The following SHC3 variants were observed in gnomAD, a reference collection of about 807,000 sequenced individuals.
SHC3 encodes the protein SHC adaptor protein 3, also known as SHC-transforming protein 3.
A neutral mutation model predicts 60.4 loss-of-function variants in SHC3; 15 were observed. That is an observed-to-expected ratio of 0.25 (90% confidence interval 0.17 to 0.38). The LOEUF (loss-of-function observed/expected upper bound fraction) is 0.38, where lower values mean the gene tolerates loss of function less well. Ranked by LOEUF, SHC3 falls within the 10% of genes least tolerant of loss-of-function variation. SHC3 has a pLI of 1.00. For synonymous variants in SHC3, 294 were observed against 325.9 expected (o/e 0.90, Z 1.05); for missense variants, 677 against 786.1 (o/e 0.86, Z 1.66).
At chr9:89,053,534 C>T (rs900627344) in intron 6 of SHC3, among the ~76,000 whole-genome samples, 1 of 152,158 alleles carries the variant, frequency 6.6e-6, no homozygotes, top group Non-Finnish European at 1.5e-5. Context: ...CCTTCTCTCC[C>T]AGACTCCAGG....
At chr9:89,076,567 CTT>C (rs879382891) in intron 3 of SHC3, among the ~76,000 whole-genome samples, 1 of 146,416 alleles carries the variant, frequency 6.8e-6, no homozygotes, top group African/African-American at 2.5e-5. Context: ...CTAATCCAGG[CTT>C]TTTTTTTTTC....
At chr9:89,177,009 T>G (rs1357469400) in intron 1 of SHC3, among the ~76,000 whole-genome samples, 4 of 152,176 alleles carry the variant, frequency 2.6e-5, no homozygotes, top group Non-Finnish European at 4.4e-5. Flanking sequence ...GGATAGAGTT[T>G]GTGTCTCATT....
intron 2 of SHC3, among the ~76,000 whole-genome samples, chr9:89,105,154 T>C (rs558804521): frequency 5.3e-4 from 80 of 152,298 alleles, no homozygotes; most frequent in Non-Finnish European, 3.7e-4. Flanking sequence ...CAAATCCATC[T>C]TGATGGTCTT....
At chr9:89,056,286 G>T (rs934914271) in intron 6 of SHC3, among the ~76,000 whole-genome samples, 1 of 151,664 alleles carries the variant, frequency 6.6e-6, no homozygotes, top group South Asian at 2.1e-4. Context: ...CACTCTTGTC[G>T]CCCAGGCTGG....
At chr9:89,075,323 G>A in intron 3 of SHC3, 95 bp from the exon 4 acceptor site, 3 of 1,494,910 alleles carry the variant, frequency 2.0e-6, no homozygotes, top group Non-Finnish European at 2.7e-6. Flanking sequence ...CTCACTAACT[G>A]TTCCTCCCTC....
intron 8 of SHC3, 50 bp downstream of exon 8, chr9:89,046,794 A>G (rs766340146): frequency 8.4e-6 from 12 of 1,421,066 alleles, no homozygotes; most frequent in Non-Finnish European, 1.1e-5. Flanking sequence ...AAGGAAATAA[A>G]GTAGAGTTAG....
chr9:89,140,352 G>C (rs1414845379), intron 1 of SHC3, among the ~76,000 whole-genome samples: 1 of 152,026 alleles, frequency 6.6e-6, no homozygotes, highest in Non-Finnish European at 1.5e-5. Flanking sequence ...CCCAGATTAA[G>C]GGTCCTGCTT....
chr9:89,071,620 C>A (rs1373416913), intron 4 of SHC3, among the ~76,000 whole-genome samples: 1 of 152,190 alleles, frequency 6.6e-6, no homozygotes, highest in Non-Finnish European at 1.5e-5. Context: ...GCACCCTTAA[C>A]ATAAGTGACT....
intron 1 of SHC3, among the ~76,000 whole-genome samples, chr9:89,119,205 C>A (rs1028684331): frequency 1.9e-4 from 29 of 151,820 alleles, no homozygotes; most frequent in Non-Finnish European, 3.5e-4. Context: ...GAATAAGAGA[C>A]CTTCAAACTA....
chr9:89,159,027 G>T (rs1382055464), intron 1 of SHC3, among the ~76,000 whole-genome samples: 1 of 152,156 alleles, frequency 6.6e-6, no homozygotes, highest in Non-Finnish European at 1.5e-5. Flanking sequence ...GTAGAAGTGT[G>T]CAGGGTAGAC....
chr9:89,024,425 A>G (rs1826254138), intron 11 of SHC3, among the ~76,000 whole-genome samples: 1 of 151,810 alleles, frequency 6.6e-6, no homozygotes, highest in Non-Finnish European at 1.5e-5. Context: ...CTACAGGTGC[A>G]CTCCACCACT....
intron 1 of SHC3, among the ~76,000 whole-genome samples, chr9:89,172,962 C>T (rs1024012526): frequency 2.6e-5 from 4 of 152,212 alleles, no homozygotes; most frequent in African/African-American, 9.6e-5. Flanking sequence ...GAGCACACTC[C>T]TGATACTGCA....
chr9:89,111,543 A>G (rs1011562674), intron 2 of SHC3, among the ~76,000 whole-genome samples: 4 of 152,124 alleles, frequency 2.6e-5, no homozygotes, highest in African/African-American at 4.8e-5. Context: ...TGATGTTGGT[A>G]CATTCACAAC....
intron 10 of SHC3, among the ~76,000 whole-genome samples, chr9:89,041,396 G>A (rs1210455667): frequency 6.6e-6 from 1 of 152,196 alleles, no homozygotes; most frequent in African/African-American, 2.4e-5. Context: ...ATACCTCCAC[G>A]AGGTAGAGAC....
intron 2 of SHC3, among the ~76,000 whole-genome samples, chr9:89,087,544 A>C (rs1400065876): frequency 6.6e-6 from 1 of 152,204 alleles, no homozygotes; most frequent in East Asian, 1.9e-4. Flanking sequence ...AGGGGATCCC[A>C]CATGCCTGCT....
At chr9:89,049,702 T>C (rs1042598760) in intron 7 of SHC3, among the ~76,000 whole-genome samples, 5 of 152,254 alleles carry the variant, frequency 3.3e-5, no homozygotes, top group African/African-American at 1.2e-4. Context: ...TCCTGAACTA[T>C]ACAAGTGGAG....
In SHC3 at chr9:89,046,959, T is replaced by A. The variant is rs1824785223; in HGVS notation, c.998A>T (p.Glu333Val). The A allele has an allele frequency of 6.2e-7, 1 of 1,609,218 alleles. No individual in the cohort carries two copies. Among genetic ancestry groups the A allele is most frequent in the African/African-American group, 1.3e-5 (1 of 74,984 alleles). ...GTATGGGTGGTCTGAGCCATCTCCC[T>A]CCTCTTCCGTCCATGGCTCATCCAG... ...QSLDEPWTEE[E>V]GDGSDHPYYN... Residue 333 changes from glutamate (E) to valine (V), a missense_variant, in exon 8 of 12, where the codon GAG becomes GTG. By Grantham distance (121) the Glu-to-Val change is moderately radical. Transcript: ENST00000375835.
Position 89,092,615 on chromosome 9 carries a change from C to CAAA in SHC3, c.546-14715_546-14713dup, listed in dbSNP as rs59133401. ...TGGGCAACAGGGCAAGACTCTGTCT[C>CAAA]AAAAAAAAAAAAAAAAAAAAAAAAT... On this transcript the variant is annotated intron_variant, in intron 2 of 11. Transcript: ENST00000375835. Among the ~76,000 whole-genome samples, 151 of 67,810 alleles carry CAAA rather than the reference C, an allele frequency of 2.2e-3. 3 individuals are homozygous for CAAA. Among genetic ancestry groups the CAAA allele is most frequent in the African/African-American group, 6.1e-3 (105 of 17,090 alleles). 44.5% of individuals were successfully genotyped at this position (67,810 alleles called of 152,430 possible).
intron 11 of SHC3, among the ~76,000 whole-genome samples, chr9:89,020,670 G>A (rs1234623338): frequency 6.6e-6 from 1 of 152,206 alleles, no homozygotes; most frequent in Non-Finnish European, 1.5e-5. Context: ...AGTAGGAGAT[G>A]CAGGCCCAGG....
Sources: gnomAD v4.1 joint callset for allele counts (sites outside exome capture counted in the v4.1 genomes callset) on GRCh38, gnomAD v4.1.1 for gene constraint, MANE v1.5 for transcripts, NCBI Gene and HGNC (gene_info 2026-07-23, HGNC 2026-07-21) for gene names.